MACROD2: variants seen among roughly 807,000 people sequenced by gnomAD.
MACROD2 encodes mono-ADP ribosylhydrolase 2, also known as ADP-ribose glycohydrolase MACROD2.
In MACROD2, 36 loss-of-function variants were observed where a neutral mutation model predicts 70.4. That is an observed-to-expected ratio of 0.51 (90% CI 0.39 to 0.68). The LOEUF is 0.68. Among genes scored for constraint, MACROD2 ranks in the 30% least tolerant of loss-of-function variants. The pLI, the probability that MACROD2 is intolerant of heterozygous loss-of-function variation, is 0.00. For synonymous variants in MACROD2, 172 were observed against 178.8 expected (o/e 0.96, Z 0.30); for missense variants, 496 against 538.4 (o/e 0.92, Z 0.78).
At chr20:14,861,954 G>T (rs1470598747) in intron 5 of MACROD2, among the ~76,000 whole-genome samples, 1 of 100,552 alleles carries the variant, frequency 9.9e-6, no homozygotes, top group Admixed American at 1.5e-4. Context: ...AGTGAAATAG[G>T]ACATTGGAGG....
chr20:14,985,665 C>T, intron 5 of MACROD2, among the ~76,000 whole-genome samples: 1 of 147,028 alleles, frequency 6.8e-6, no homozygotes. Flanking sequence ...AGTTTGAAAT[C>T]TTAGCTGTAT....
intron 2 of MACROD2, among the ~76,000 whole-genome samples, chr20:14,070,652 T>G (rs2053825651): frequency 2.0e-5 from 3 of 152,168 alleles, no homozygotes; most frequent in Admixed American, 1.3e-4. Flanking sequence ...CATGGCTGGA[T>G]TAAGACTAAA....
intron 12 of MACROD2, among the ~76,000 whole-genome samples, chr20:15,960,339 C>T (rs1282689803): frequency 6.6e-6 from 1 of 152,162 alleles, no homozygotes; most frequent in Non-Finnish European, 1.5e-5. Context: ...CTTTCCCTAA[C>T]ACTCCATAAT....
chr20:15,261,042 A>G (rs1052703694), intron 6 of MACROD2, among the ~76,000 whole-genome samples: 1 of 152,006 alleles, frequency 6.6e-6, no homozygotes, highest in African/African-American at 2.4e-5. Flanking sequence ...TGGCCTTGCT[A>G]TATGAGCTGC....
chr20:15,171,979 AAATG>A (rs537061591), intron 5 of MACROD2, among the ~76,000 whole-genome samples: 7 of 152,250 alleles, frequency 4.6e-5, no homozygotes, highest in African/African-American at 1.4e-4. Context: ...AATGAATAAA[AAATG>A]AATGAATGAA....
At chr20:15,640,700 G>A (rs2049447132) in intron 8 of MACROD2, among the ~76,000 whole-genome samples, 1 of 152,222 alleles carries the variant, frequency 6.6e-6, no homozygotes, top group Admixed American at 6.5e-5. Context: ...ATGTGATGCT[G>A]TGCTGGGAAC....
At chr20:15,912,002 G>A (rs1339944099) in intron 10 of MACROD2, among the ~76,000 whole-genome samples, 2 of 152,210 alleles carry the variant, frequency 1.3e-5, no homozygotes, top group South Asian at 2.1e-4. Flanking sequence ...ACAAAACTCC[G>A]ACTCAAAAAA....
chr20:14,009,367 A>T (rs1250296576), intron 2 of MACROD2, among the ~76,000 whole-genome samples: 1 of 152,230 alleles, frequency 6.6e-6, no homozygotes, highest in Non-Finnish European at 1.5e-5. Flanking sequence ...AAAGCTCAAC[A>T]TTACTCATCA....
At chr20:14,747,162 ATTC>A (rs764230454) in intron 5 of MACROD2, among the ~76,000 whole-genome samples, 3 of 152,164 alleles carry the variant, frequency 2.0e-5, no homozygotes, top group Non-Finnish European at 2.9e-5. Context: ...CCCAGAGCTC[ATTC>A]TTCTATAGCA....
intron 5 of MACROD2, among the ~76,000 whole-genome samples, chr20:14,954,988 A>AT: frequency 3.1e-3 from 4 of 1,272 alleles, no homozygotes; most frequent in Admixed American, 6.8e-3. Flanking sequence ...TAAATATATT[A>AT]AATATATTAT....
At chr20:14,878,894 G>T (rs1197276137) in intron 5 of MACROD2, among the ~76,000 whole-genome samples, 2 of 151,984 alleles carry the variant, frequency 1.3e-5, no homozygotes, top group African/African-American at 4.8e-5. Flanking sequence ...CTAGCTCTTT[G>T]CCCTGATACC....
chr20:15,223,265 G>A (rs59549859), intron 5 of MACROD2, among the ~76,000 whole-genome samples: 12,378 of 152,280 alleles, frequency 0.081, 658 homozygotes, highest in Admixed American at 0.11. Context: ...TCGCATTGCT[G>A]TTTTCGTGGC....
chr20:15,589,826 C>T (rs891602699), intron 8 of MACROD2, among the ~76,000 whole-genome samples: 4 of 152,118 alleles, frequency 2.6e-5, no homozygotes, highest in African/African-American at 9.7e-5. Context: ...TAATTTTCTC[C>T]ATGTCTTTTC....
intron 3 of MACROD2, among the ~76,000 whole-genome samples, chr20:14,336,755 A>G (rs992648277): frequency 1.4e-4 from 21 of 152,326 alleles, no homozygotes; most frequent in African/African-American, 4.8e-4. Flanking sequence ...GTTCTATTGA[A>G]GAGGGAATAT....
chr20:14,797,345 A>G (rs2072521965), intron 5 of MACROD2, among the ~76,000 whole-genome samples: 1 of 152,034 alleles, frequency 6.6e-6, no homozygotes, highest in South Asian at 2.1e-4. Context: ...CATGACCAAA[A>G]TTCTTAACCC....
intron 4 of MACROD2, among the ~76,000 whole-genome samples, chr20:14,499,544 A>T (rs961326730): frequency 6.6e-6 from 1 of 152,112 alleles, no homozygotes. Flanking sequence ...TAAAAAAAAA[A>T]TCCTGACTGC....
chr20:14,556,144 C>A (rs1979016857), intron 4 of MACROD2, among the ~76,000 whole-genome samples: 1 of 152,020 alleles, frequency 6.6e-6, no homozygotes, highest in African/African-American at 2.4e-5. Flanking sequence ...GTAGAAACAT[C>A]AGAGTGTATC....
intron 6 of MACROD2, among the ~76,000 whole-genome samples, chr20:15,351,155 A>G (rs1287913804): frequency 6.6e-6 from 1 of 152,118 alleles, no homozygotes; most frequent in Admixed American, 6.6e-5. Flanking sequence ...AGATGTTAAT[A>G]AGTTAGGGTT....
chr20:14,789,700 T>C (rs1400571827), intron 5 of MACROD2, among the ~76,000 whole-genome samples: 1 of 151,822 alleles, frequency 6.6e-6, no homozygotes, highest in Non-Finnish European at 1.5e-5. Flanking sequence ...GTTCTCGAAC[T>C]CCTGACCTCA....
Sources: gnomAD v4.1 joint callset for allele counts (sites outside exome capture counted in the v4.1 genomes callset) on GRCh38, gnomAD v4.1.1 for gene constraint, MANE v1.5 for transcripts, NCBI Gene and HGNC (gene_info 2026-07-23, HGNC 2026-07-21) for gene names.